The following PRKG2 variants were observed in gnomAD, a reference collection of about 807,000 sequenced individuals.
The protein encoded by PRKG2 is protein kinase cGMP-dependent 2, also known as cGMP-dependent protein kinase 2.
A neutral mutation model predicts 97.2 loss-of-function variants in PRKG2; 33 were observed. The ratio of observed to expected loss-of-function variants is 0.34; its 90% CI spans 0.26 to 0.45. The LOEUF (loss-of-function observed/expected upper bound fraction) is 0.45. Ranked by LOEUF, PRKG2 falls within the 20% of genes least tolerant of loss-of-function variation. PRKG2 has a pLI of 1.00. For missense variants in PRKG2, 638 were observed against 900.0 expected (o/e 0.71, Z 3.73); for synonymous variants, 330 against 321.8 (o/e 1.03, Z -0.27).
intron 6 of PRKG2, among the ~76,000 whole-genome samples, chr4:81,154,712 C>T (rs1327506180): frequency 6.6e-6 from 1 of 152,160 alleles, no homozygotes; most frequent in Non-Finnish European, 1.5e-5. Flanking sequence ...AGCAGAGCGC[C>T]TCTCCTCCTC....
intron 17 of PRKG2, among the ~76,000 whole-genome samples, chr4:81,102,009 T>C (rs1443125314): frequency 1.3e-5 from 2 of 152,086 alleles, no homozygotes; most frequent in East Asian, 1.9e-4. Context: ...AAAAGCACTA[T>C]GAAAATAGAA....
intron 17 of PRKG2, 73 bp downstream of exon 17, chr4:81,104,295 TGA>T: frequency 8.8e-7 from 1 of 1,132,662 alleles, no homozygotes; most frequent in Non-Finnish European, 1.2e-6. Context: ...TGTGGCCTCC[TGA>T]GAGAAGCTTT....
chr4:81,202,409 A>T (rs538415222), intron 2 of PRKG2, among the ~76,000 whole-genome samples: 33 of 152,210 alleles, frequency 2.2e-4, no homozygotes, highest in Non-Finnish European at 4.1e-4. Context: ...TGAGGTACAA[A>T]CCAGTCAACT....
chr4:81,106,740 T>C (rs1389007604), intron 15 of PRKG2, among the ~76,000 whole-genome samples: 2 of 152,154 alleles, frequency 1.3e-5, no homozygotes, highest in Non-Finnish European at 2.9e-5. Flanking sequence ...TGTGATGGTA[T>C]TTGGAGGTGA....
At chr4:81,206,785 A>G (rs944207881) in intron 1 of PRKG2, among the ~76,000 whole-genome samples, 3 of 152,202 alleles carry the variant, frequency 2.0e-5, no homozygotes, top group African/African-American at 7.2e-5. Context: ...CTCTACAACA[A>G]CAAAGGCACA....
At chr4:81,187,404 G>A (rs7680521) in intron 2 of PRKG2, among the ~76,000 whole-genome samples, 1 of 151,942 alleles carries the variant, frequency 6.6e-6, no homozygotes, top group Non-Finnish European at 1.5e-5. Flanking sequence ...ATGCAGAAAA[G>A]GACTTCAACA....
intron 14 of PRKG2, among the ~76,000 whole-genome samples, chr4:81,111,480 A>T (rs72871776): frequency 3.3e-5 from 5 of 150,246 alleles, no homozygotes; most frequent in Non-Finnish European, 7.4e-5. Flanking sequence ...ACATGATATA[A>T]TTGAAGAAAG....
At chr4:81,098,247 CTT>C (rs1285909072) in intron 17 of PRKG2, among the ~76,000 whole-genome samples, 4 of 152,264 alleles carry the variant, frequency 2.6e-5, no homozygotes, top group African/African-American at 9.6e-5. Flanking sequence ...ACTCGAAGTT[CTT>C]CAGTTTTGGA....
At position 81,174,851 on chromosome 4, in the gene PRKG2, C is replaced by T. The variant is rs1750786812; in HGVS notation, c.570G>A (p.Gln190=). 1.2e-6 allele frequency: 2 copies of T among 1,613,200 alleles called. No individual in the cohort carries two copies. The highest frequency in any genetic ancestry group is 1.1e-5 in the South Asian group (1 of 91,004). ...MVECMYGRNY[Q]QGSYIIKQGE... ...CTTGCTTAATAATGTAACTCCCTTG[C>T]TGATAGTTTCTCCCATACATGCATT... The change falls in exon 3 of 19, where the codon CAG becomes CAA. Residue 190 remains glutamine (Q), a synonymous_variant. Coordinates refer to ENST00000264399, the MANE Select transcript of PRKG2 (RefSeq NM_006259.3).
At chr4:81,199,590 T>G (rs1753175736) in intron 2 of PRKG2, among the ~76,000 whole-genome samples, 1 of 152,188 alleles carries the variant, frequency 6.6e-6, no homozygotes, top group Non-Finnish European at 1.5e-5. Flanking sequence ...ATATCTATCT[T>G]ATAGGTTTAT....
upstream of PRKG2, among the ~76,000 whole-genome samples, chr4:81,215,623 C>T (rs911233387): frequency 6.6e-6 from 1 of 151,712 alleles, no homozygotes; most frequent in African/African-American, 2.4e-5. Context: ...CAAACAGGCG[C>T]ACGTACCCTG....
At chr4:81,120,309 T>G (rs1578373400) in intron 14 of PRKG2, among the ~76,000 whole-genome samples, 1 of 152,164 alleles carries the variant, frequency 6.6e-6, no homozygotes, top group East Asian at 1.9e-4. Context: ...ACCCCGGGAG[T>G]CTCCCTGAAT....
At chr4:81,144,747 T>TCCCTCCC (rs1322578214) in intron 9 of PRKG2, among the ~76,000 whole-genome samples, 2 of 120,076 alleles carry the variant, frequency 1.7e-5, no homozygotes, top group African/African-American at 6.3e-5. Context: ...CCTAATGCTA[T>TCCCTCCC]CCCTCCCCCC....
intron 6 of PRKG2, among the ~76,000 whole-genome samples, chr4:81,165,959 T>TAA (rs879481593): frequency 8.9e-5 from 13 of 145,342 alleles, no homozygotes; most frequent in African/African-American, 3.0e-4. Context: ...CAGCTTTAAG[T>TAA]AAAAAAAAAA....
At chr4:81,137,273 CTTTAT>C in intron 13 of PRKG2, 115 bp downstream of exon 13, 1 of 772,354 alleles carries the variant, frequency 1.3e-6, no homozygotes, top group Non-Finnish European at 2.2e-6. Flanking sequence ...ACTATTACTA[CTTTAT>C]TTTATCAAGG....
rs1662280581 is a variant in PRKG2 at position 81,110,727 on chromosome 4, G to GCACACACACGCA, written c.1777-117_1777-116insTGCGTGTGTGTG. Reference sequence around the variant, plus strand: ...CACCCCACCCTTCTTTTTATACCATGCACACACACACACACACACACAAAG... The same window carrying GCACACACACGCA: ...CACCCCACCCTTCTTTTTATACCATGCACACACACGCACACACACACACACACACACACAAAG... On this transcript the variant is annotated intron_variant, in intron 14 of 18. Coordinates refer to ENST00000264399, the MANE Select transcript of PRKG2 (RefSeq NM_006259.3). 7.6e-6 allele frequency: 5 copies of GCACACACACGCA among 657,942 alleles called. No homozygotes were observed. In the Admixed American group the frequency reaches 1.2e-4, roughly 15 times the overall value. The allele number at this position is 657,942 out of a possible 1,614,324, so 40.8% of individuals were successfully genotyped here. A position where few individuals can be genotyped will look rare whatever the true frequency, so the allele number is the denominator to read the frequency against.
rs1288705880 is a variant in PRKG2, at chr4:81,142,875, G to C, written c.1326C>G (p.Ala442=). 1 of 1,613,202 alleles carries C rather than the reference G, an allele frequency of 6.2e-7. No individual in the cohort carries two copies. The highest frequency in any genetic ancestry group is 8.5e-7 in the Non-Finnish European group (1 of 1,179,412). The change falls in exon 11 of 19, where the codon GCC becomes GCG. Residue 442 remains alanine (A), a synonymous_variant. Coordinates refer to ENST00000264399, the MANE Select transcript of PRKG2 (RefSeq NM_006259.3). ...LEMIQLKEKV[A]RFSSSSPFQN... ...GGAATGGGGATGATGAGGAAAATCT[G>C]GCCACCTTCTCCTTCAGCTGAATCA... is the stretch of plus-strand genomic sequence containing the variant.
At chr4:81,114,824 T>C (rs1018423784) in intron 14 of PRKG2, among the ~76,000 whole-genome samples, 11 of 152,140 alleles carry the variant, frequency 7.2e-5, no homozygotes, top group Non-Finnish European at 1.3e-4. Context: ...TTTGCTTGCA[T>C]TGATTTCTAA....
intron 6 of PRKG2, among the ~76,000 whole-genome samples, chr4:81,154,806 C>T (rs914137412): frequency 1.3e-5 from 2 of 152,046 alleles, no homozygotes; most frequent in African/African-American, 4.8e-5. Flanking sequence ...AGGCTTCAGA[C>T]GATCAAATTA....
Sources: gnomAD v4.1 joint callset for allele counts (sites outside exome capture counted in the v4.1 genomes callset) on GRCh38, gnomAD v4.1.1 for gene constraint, MANE v1.5 for transcripts, NCBI Gene and HGNC (gene_info 2026-07-23, HGNC 2026-07-21) for gene names.